MAP7: variants seen among roughly 807,000 people sequenced by gnomAD.
MAP7 encodes microtubule associated protein 7, also known as ensconsin.
In MAP7, 52 loss-of-function variants were observed where a neutral mutation model predicts 94.8. The ratio of observed to expected loss-of-function variants is 0.55; its 90% confidence interval spans 0.44 to 0.69. The LOEUF (loss-of-function observed/expected upper bound fraction) is 0.69. Among genes scored for constraint, MAP7 ranks in the 30% least tolerant of loss-of-function variants. MAP7 has a pLI of 0.00. For missense variants in MAP7, 940 were observed against 964.6 expected, an observed-to-expected ratio of 0.97 and a Z score of 0.34; for synonymous variants, 350 against 357.0, an observed-to-expected ratio of 0.98 and a Z score of 0.22.
chr6:136,384,506 T>G (rs1394560390), intron 5 of MAP7, among the ~76,000 whole-genome samples: 1 of 151,874 alleles, frequency 6.6e-6, no homozygotes, highest in African/African-American at 2.4e-5. Context: ...TTTTTTTTTT[T>G]TTGGGGAGAC....
chr6:136,374,344 AAG>A (rs1304537478), intron 7 of MAP7, among the ~76,000 whole-genome samples: 1 of 152,184 alleles, frequency 6.6e-6, no homozygotes, highest in African/African-American at 2.4e-5. Context: ...TTTTCTAGAC[AAG>A]AGTTCACTAA....
intron 12 of MAP7, 24 bp downstream of exon 12, chr6:136,360,981 G>C: frequency 4.5e-6 from 7 of 1,556,894 alleles, no homozygotes; most frequent in Non-Finnish European, 6.0e-6. Context: ...CTGGGGCCGG[G>C]GCCAGGGTGG....
chr6:136,391,487 C>A lies in MAP7; in HGVS notation c.245-1970G>T, dbSNP rs965323572. Among the ~76,000 whole-genome samples the A allele has an allele frequency of 6.7e-5, 10 of 150,144 alleles. No homozygotes were observed. The Admixed American group carries it at 6.7e-4, about 10-fold the overall frequency. ...TAGTGGGTGCAGCGCACCAGCATGGCACATGTATACATATGTAACTAACCT... is the reference window on the plus strand; with the variant it reads ...TAGTGGGTGCAGCGCACCAGCATGGAACATGTATACATATGTAACTAACCT... On this transcript the variant is annotated intron_variant, in intron 3 of 17. Transcript: ENST00000354570.
intron 16 of MAP7, 102 bp downstream of exon 16, chr6:136,356,590 C>T: frequency 2.3e-6 from 2 of 852,964 alleles, no homozygotes; most frequent in Non-Finnish European, 3.7e-6. Context: ...AATGAGGCCC[C>T]CCCCAAATAA....
At chr6:136,518,531 T>C (rs978527651) in intron 1 of MAP7, among the ~76,000 whole-genome samples, 3 of 152,202 alleles carry the variant, frequency 2.0e-5, no homozygotes, top group African/African-American at 7.2e-5. Context: ...TCTTCTCAAA[T>C]TGGCAAATCT....
chr6:136,448,614 C>T (rs1800082121), intron 1 of MAP7, among the ~76,000 whole-genome samples: 1 of 151,878 alleles, frequency 6.6e-6, no homozygotes, highest in African/African-American at 2.4e-5. Flanking sequence ...AGGGTTTCAC[C>T]ATGTTGGGCA....
chr6:136,377,585 G>C (rs1276271447), intron 7 of MAP7, among the ~76,000 whole-genome samples, 170 bp downstream of exon 7: 2 of 152,200 alleles, frequency 1.3e-5, no homozygotes, highest in African/African-American at 4.8e-5. Context: ...AAGATGCTAA[G>C]GCAGATGCCC....
chr6:136,503,103 T>C (rs182268370), intron 1 of MAP7, among the ~76,000 whole-genome samples: 3 of 152,216 alleles, frequency 2.0e-5, no homozygotes, highest in Admixed American at 2.0e-4. Context: ...AAGGACTACA[T>C]GAATAATGGA....
rs777606780 is a variant in MAP7, at chr6:136,389,398, C to A, written c.364G>T (p.Ala122Ser). 6.3e-7 allele frequency: 1 copy of A among 1,581,216 alleles called. No homozygotes were observed. Among genetic ancestry groups the A allele is most frequent in the Admixed American group, 1.9e-5 (1 of 53,034 alleles). Reference protein sequence around the residue: ...EQRQKEERRRAAVEEKRRQRL... With the variant: ...EQRQKEERRRSAVEEKRRQRL... ...TGCCTCCGCTTCTCCTCCACAGCAG[C>A]CCTCCTCCGCTCCTCCTTCTGCCTC... is the stretch of plus-strand genomic sequence containing the variant. Residue 122 changes from alanine to serine, a missense_variant, in exon 4 of 18, where the codon GCT (alanine) becomes TCT (serine). By Grantham distance (99) the Ala-to-Ser change is moderately conservative. Coordinates refer to ENST00000354570, the MANE Select transcript of MAP7 (RefSeq NM_003980.6).
chr6:136,430,013 G>A (rs1314189103), intron 1 of MAP7, among the ~76,000 whole-genome samples: 2 of 152,174 alleles, frequency 1.3e-5, no homozygotes, highest in Non-Finnish European at 2.9e-5. Flanking sequence ...GTACACAAAA[G>A]GGAGGGCAAA....
At position 136,361,191 on chromosome 6, in the gene MAP7, C is replaced by T; in HGVS notation, c.1527-12G>A. 1.2e-6 allele frequency: 2 copies of T among 1,601,148 alleles called. No homozygotes were observed. Among genetic ancestry groups the T allele is most frequent in the Non-Finnish European group, 1.7e-6 (2 of 1,179,844 alleles). On this transcript the variant is annotated splice_polypyrimidine_tract_variant and intron_variant, in intron 11 of 17. Transcript: ENST00000354570. ...CCTCTCTCTTTTGTCTGGAAAAAGACAGAACAAAACCAAAACCAAAGACAC... is the reference window on the plus strand; with the variant it reads ...CCTCTCTCTTTTGTCTGGAAAAAGATAGAACAAAACCAAAACCAAAGACAC...
intron 1 of MAP7, among the ~76,000 whole-genome samples, chr6:136,538,173 C>T (rs1829033351): frequency 6.6e-6 from 1 of 152,194 alleles, no homozygotes; most frequent in African/African-American, 2.4e-5. Context: ...CATGCCCACA[C>T]ACCACACCCA....
chr6:136,448,639 T>C (rs944300779), intron 1 of MAP7, among the ~76,000 whole-genome samples: 4 of 151,946 alleles, frequency 2.6e-5, no homozygotes, highest in African/African-American at 9.7e-5. Flanking sequence ...GGTCTCGATC[T>C]CCTGATCTCG....
chr6:136,505,544 G>T (rs911014903), intron 1 of MAP7, among the ~76,000 whole-genome samples: 2 of 151,628 alleles, frequency 1.3e-5, no homozygotes, highest in African/African-American at 4.9e-5. Flanking sequence ...CAATCGCTAG[G>T]CATCTGAGAT....
chr6:136,495,846 T>C (rs1208011825), intron 1 of MAP7, among the ~76,000 whole-genome samples: 2 of 152,118 alleles, frequency 1.3e-5, no homozygotes, highest in Non-Finnish European at 2.9e-5. Flanking sequence ...GGATCACAGG[T>C]CTTGAATTTT....
intron 1 of MAP7, among the ~76,000 whole-genome samples, chr6:136,510,467 G>C (rs1822930564): frequency 6.6e-6 from 1 of 152,166 alleles, no homozygotes; most frequent in African/African-American, 2.4e-5. Context: ...CAGTGAGTGG[G>C]AAGGAGGACT....
intron 3 of MAP7, among the ~76,000 whole-genome samples, chr6:136,406,466 A>G (rs771210827): frequency 2.6e-5 from 4 of 152,070 alleles, no homozygotes; most frequent in Non-Finnish European, 2.9e-5. Flanking sequence ...CAGCATCACT[A>G]CTAGTGGAAG....
chr6:136,480,313 C>A (rs925326571), intron 1 of MAP7, among the ~76,000 whole-genome samples: 2 of 152,130 alleles, frequency 1.3e-5, no homozygotes, highest in Non-Finnish European at 2.9e-5. Flanking sequence ...GAAACTAGAT[C>A]TCTATCTCTT....
At chr6:136,478,341 C>T (rs778558984) in intron 1 of MAP7, among the ~76,000 whole-genome samples, 13 of 151,932 alleles carry the variant, frequency 8.6e-5, no homozygotes, top group Non-Finnish European at 1.3e-4. Flanking sequence ...CCACCATTTT[C>T]GGAGGCCAAG....
Sources: allele counts gnomAD v4.1 joint callset (sites outside exome capture counted in the v4.1 genomes callset), GRCh38; gene constraint gnomAD v4.1.1; transcripts MANE v1.5; gene names NCBI Gene and HGNC (gene_info 2026-07-23, HGNC 2026-07-21).